Variants in SMARCA2 observed in about 807,000 individuals in gnomAD.
SMARCA2 encodes SWI/SNF related BAF chromatin remodeling complex subunit ATPase 2.
A neutral mutation model predicts 199.8 loss-of-function variants in SMARCA2; 61 were observed. The observed-to-expected ratio is 0.31, with a 90% CI of 0.25 to 0.38. The LOEUF is 0.38. SMARCA2 is among the 10% of genes least tolerant of loss of function. The pLI is 1.00. For synonymous variants in SMARCA2, 935 were observed against 732.0 expected, an observed-to-expected ratio of 1.28 and a Z score of -4.48; for missense variants, 1,344 against 2,012.2, an observed-to-expected ratio of 0.67 and a Z score of 6.35.
At position 2,186,364 on chromosome 9, in the gene SMARCA2, G is replaced by A. The variant is rs1827454989; in HGVS notation, c.4594+136G>A. The A allele has an allele frequency of 5.9e-6, 5 of 844,160 alleles. No individual in the cohort carries two copies. In the East Asian group the frequency reaches 1.4e-4, roughly 23 times the overall value. 52.3% of individuals were successfully genotyped at this position (844,160 alleles called of 1,614,324 possible). On this transcript the variant is annotated intron_variant, in intron 32 of 33. Coordinates refer to ENST00000349721, the MANE Select transcript of SMARCA2 (RefSeq NM_003070.5). ...CCCTTATTCCACTTTGTCCTTGCTG[G>A]GCAACCGGTGGCCATGTCCTTATCC... is the stretch of plus-strand genomic sequence containing the variant.
At chr9:2,055,327 A>G (rs1489850471) in intron 6 of SMARCA2, among the ~76,000 whole-genome samples, 1 of 152,222 alleles carries the variant, frequency 6.6e-6, no homozygotes, top group Non-Finnish European at 1.5e-5. Context: ...CAGTATAATG[A>G]CCTATTTTCT....
intron 29 of SMARCA2, among the ~76,000 whole-genome samples, chr9:2,179,167 C>T (rs1442495908): frequency 1.3e-5 from 2 of 152,058 alleles, no homozygotes; most frequent in East Asian, 3.9e-4. Context: ...GGGGATTGCC[C>T]ATGAAAGTTG....
rs1020465126 is a variant in SMARCA2, at chr9:2,039,996, G to A, written c.790+96G>A. On this transcript the variant is annotated intron_variant, in intron 4 of 33. Coordinates refer to ENST00000349721, the MANE Select transcript of SMARCA2 (RefSeq NM_003070.5). The surrounding 1 kb of genome is among the most constrained non-coding windows in gnomAD (Gnocchi z 4.8). ...ACCGGGTTGTTAAAAGCCCGGGGCT[G>A]ACGTAGCCTTTTGTTATACCTCACT... 8 of 1,551,140 alleles carry A rather than the reference G, an allele frequency of 5.2e-6. No individual in the cohort carries two copies. Among genetic ancestry groups the A allele is most frequent in the Non-Finnish European group, 8.7e-7 (1 of 1,152,804 alleles).
At chr9:2,022,855 C>T (rs1290131924) in intron 1 of SMARCA2, among the ~76,000 whole-genome samples, 1 of 151,772 alleles carries the variant, frequency 6.6e-6, no homozygotes, top group Non-Finnish European at 1.5e-5. Flanking sequence ...TTTTTTTGTT[C>T]AGTTTGTTAG....
At chr9:2,073,536 C>G in intron 11 of SMARCA2, 30 bp from the exon 12 acceptor site, 1 of 1,584,752 alleles carries the variant, frequency 6.3e-7, no homozygotes, top group Non-Finnish European at 8.7e-7. Context: ...AAAACTAAGC[C>G]CCCTCCTCTT....
chr9:2,163,401 A>G (rs1825781455), intron 28 of SMARCA2, among the ~76,000 whole-genome samples: 1 of 152,232 alleles, frequency 6.6e-6, no homozygotes. Context: ...TCCAGGAAGG[A>G]AATTTTGACC....
In SMARCA2 at chr9:2,150,578, T is replaced by C. The variant is rs949826098; in HGVS notation, c.3982-11108T>C. ...ATCGTTTACTCCGAGGGGTGTGTTA[T>C]ATGTGCCTACGAGCAGCGTTGCTTT... On this transcript the variant is annotated intron_variant, in intron 27 of 33. Transcript: ENST00000349721. Among the ~76,000 whole-genome samples the C allele has an allele frequency of 1.4e-4, 21 of 151,690 alleles. 1 individual carries two copies. The highest frequency in any genetic ancestry group is 5.1e-4 in the African/African-American group (21 of 41,392).
intron 21 of SMARCA2, among the ~76,000 whole-genome samples, chr9:2,098,697 A>G (rs1362119166): frequency 6.6e-6 from 1 of 152,190 alleles, no homozygotes; most frequent in Non-Finnish European, 1.5e-5. Context: ...GTAATTTGGG[A>G]GGCCGAGGCA....
chr9:2,178,403 G>T (rs1826775570), intron 29 of SMARCA2, among the ~76,000 whole-genome samples: 1 of 152,136 alleles, frequency 6.6e-6, no homozygotes, highest in African/African-American at 2.4e-5. Context: ...TGTCTGGGAA[G>T]TAGTGTACTT....
chr9:2,190,960 C>A (rs981615602), intron 32 of SMARCA2, among the ~76,000 whole-genome samples: 1 of 152,116 alleles, frequency 6.6e-6, no homozygotes, highest in African/African-American at 2.4e-5. Flanking sequence ...AACACTTCCC[C>A]TCATTATCCT....
At chr9:2,078,673 G>A (rs1452952899) in intron 14 of SMARCA2, among the ~76,000 whole-genome samples, 1 of 152,014 alleles carries the variant, frequency 6.6e-6, no homozygotes, top group East Asian at 1.9e-4. Flanking sequence ...GGCCAGGTGC[G>A]GTAGCTCACG....
At chr9:2,185,632 C>T (rs1827385544) in intron 31 of SMARCA2, among the ~76,000 whole-genome samples, 2 of 152,164 alleles carry the variant, frequency 1.3e-5, no homozygotes, top group African/African-American at 4.8e-5. Context: ...CATGCTCAGA[C>T]ATGTGTATCC....
Position 2,086,106 on chromosome 9 carries a change from C to A in SMARCA2, c.2527-723C>A, listed in dbSNP as rs530486482. ...GATATTTTTGCAGTGCGCTTTCTGC[C>A]AGTGAGTATATTCTTTTATTTTAGA... On this transcript the variant is annotated intron_variant, in intron 17 of 33. Transcript: ENST00000349721. This position sits in a 1 kb window ranked among gnomAD's most constrained non-coding sequence, Gnocchi z 4.3. 6.6e-6 allele frequency: 1 copy of A among 152,164 alleles called. No homozygotes were observed. Among genetic ancestry groups the A allele is most frequent in the Non-Finnish European group, 1.5e-5 (1 of 68,066 alleles). 9.4% of individuals were successfully genotyped at this position (152,164 alleles called of 1,614,324 possible). A position where few individuals can be genotyped will look rare whatever the true frequency, so the allele number is the denominator to read the frequency against.
intron 3 of SMARCA2, among the ~76,000 whole-genome samples, chr9:2,035,053 T>C (rs980862847): frequency 1.3e-5 from 2 of 150,954 alleles, no homozygotes; most frequent in Non-Finnish European, 1.5e-5. Flanking sequence ...TATTTATTTA[T>C]ATTTTTGAGG....
Position 2,115,944 on chromosome 9 carries a change from C to T in SMARCA2, c.3579C>T (p.Asn1193=), listed in dbSNP as rs948621105. ...KILAAAKYKL[N]VDQKVIQAGM... is the part of the protein sequence containing the mutation. ...TCGCGGCCGCAAAATACAAGCTGAA[C>T]GTGGATCAGAAAGTGATCCAGGCGG... Residue 1193 remains asparagine (N), a synonymous_variant, in exon 25 of 34, where the codon AAC becomes AAT. Transcript: ENST00000349721. This position sits in a 1 kb window ranked among gnomAD's most constrained non-coding sequence, Gnocchi z 6.0. 6.8e-6 allele frequency: 11 copies of T among 1,614,064 alleles called. No individual in the cohort carries two copies. Among genetic ancestry groups the T allele is most frequent in the Middle Eastern group, 1.6e-4 (1 of 6,062 alleles).
intron 14 of SMARCA2, chr9:2,080,041 G>A (rs1211983332): frequency 6.6e-6 from 1 of 152,236 alleles, no homozygotes; most frequent in African/African-American, 2.4e-5. Flanking sequence ...GACTAGCCAT[G>A]TCCGCCTGAT....
chr9:2,171,625 C>T (rs974717105), intron 29 of SMARCA2, among the ~76,000 whole-genome samples: 2 of 152,118 alleles, frequency 1.3e-5, no homozygotes, highest in African/African-American at 4.8e-5. Context: ...CTGTATTTGC[C>T]ATTATGAGAA....
intron 29 of SMARCA2, among the ~76,000 whole-genome samples, chr9:2,178,295 C>G (rs538084691): frequency 2.0e-5 from 3 of 152,296 alleles, no homozygotes; most frequent in East Asian, 3.9e-4. Flanking sequence ...TACCCCATGT[C>G]TCATCAGAGC....
intron 3 of SMARCA2, among the ~76,000 whole-genome samples, chr9:2,035,239 A>G (rs1185290555): frequency 1.3e-5 from 2 of 151,776 alleles, no homozygotes; most frequent in Non-Finnish European, 2.9e-5. Flanking sequence ...ACAGGGTTTC[A>G]CCATGTTGCC....
Sources: allele counts gnomAD v4.1 joint callset (sites outside exome capture counted in the v4.1 genomes callset), GRCh38; gene constraint gnomAD v4.1.1; non-coding constraint Gnocchi (gnomAD v3.1); transcripts MANE v1.5; gene names NCBI Gene and HGNC (gene_info 2026-07-23, HGNC 2026-07-21).